The following PTPN4 variants were observed in gnomAD, a reference collection of about 807,000 sequenced individuals.
PTPN4 encodes the protein tyrosine-protein phosphatase non-receptor type 4.
Under a neutral mutation model 135.5 loss-of-function variants are expected in PTPN4, and 49 were observed. That is an observed-to-expected ratio of 0.36 (90% CI 0.29 to 0.46). PTPN4 has a LOEUF of 0.46. Among genes scored for constraint, PTPN4 ranks in the 20% least tolerant of loss-of-function variants. The pLI is 1.00. For synonymous variants in PTPN4, 333 were observed against 369.9 expected (o/e 0.90, Z 1.14); for missense variants, 860 against 1,101.0 (o/e 0.78, Z 3.10).
chr2:119,964,135 T>C (rs962640725), intron 24 of PTPN4, among the ~76,000 whole-genome samples: 1 of 152,240 alleles, frequency 6.6e-6, no homozygotes, highest in Admixed American at 6.5e-5. Flanking sequence ...ACCATAGTTA[T>C]AATTATAGTG....
intron 1 of PTPN4, among the ~76,000 whole-genome samples, chr2:119,798,177 T>C (rs1691297834): frequency 6.6e-6 from 1 of 152,002 alleles, no homozygotes; most frequent in Non-Finnish European, 1.5e-5. Flanking sequence ...TCTTTTTTTT[T>C]TTTTTTGAGA....
chr2:119,947,818 C>A (rs577520032), intron 18 of PTPN4, among the ~76,000 whole-genome samples: 10 of 151,192 alleles, frequency 6.6e-5, no homozygotes, highest in African/African-American at 2.4e-4. Context: ...TAAGTCTCCA[C>A]TAAATAGAAA....
chr2:119,812,388 A>G (rs545591027), intron 2 of PTPN4, among the ~76,000 whole-genome samples: 2 of 152,276 alleles, frequency 1.3e-5, no homozygotes, highest in Non-Finnish European at 2.9e-5. Flanking sequence ...CAGGCATTGG[A>G]GTCATTGCTT....
intron 5 of PTPN4, among the ~76,000 whole-genome samples, chr2:119,879,649 C>A (rs1678041754): frequency 6.6e-6 from 1 of 152,172 alleles, no homozygotes; most frequent in African/African-American, 2.4e-5. Flanking sequence ...TAATATATAG[C>A]CAAGGCTACA....
chr2:119,760,717 A>G (rs1690471148), intron 1 of PTPN4, among the ~76,000 whole-genome samples: 1 of 123,172 alleles, frequency 8.1e-6, no homozygotes, highest in South Asian at 2.8e-4. Context: ...TGAGTTTTCC[A>G]TTGCTGGTAG....
intron 10 of PTPN4, among the ~76,000 whole-genome samples, chr2:119,910,165 G>A (rs1678549719): frequency 6.6e-6 from 1 of 151,880 alleles, no homozygotes; most frequent in African/African-American, 2.4e-5. Context: ...GCCACATTGT[G>A]GCAAGACCCT....
rs55911315 is a variant in PTPN4 at position 119,914,248 on chromosome 2, A to ATTTT, written c.765-906_765-903dup. 6.7e-4 allele frequency among the ~76,000 whole-genome samples: 65 copies of ATTTT among 97,408 alleles called. 4 individuals carry two copies. Among genetic ancestry groups the ATTTT allele is most frequent in the African/African-American group, 3.2e-3 (54 of 17,056 alleles). The allele number at this position is 97,408 out of a possible 152,430, so 63.9% of individuals were successfully genotyped here. ...CATAAATACAGTCAATAGTTACTCA[A>ATTTT]TTTTTTTTTTTTTTTTTTTTTTTTT... is the stretch of plus-strand genomic sequence containing the variant. On this transcript the variant is annotated intron_variant, in intron 10 of 26. Coordinates refer to ENST00000263708, the MANE Select transcript of PTPN4 (RefSeq NM_002830.4).
At chr2:119,926,518 A>G (rs1243182830) in intron 12 of PTPN4, 80 bp from the exon 13 acceptor site, 2 of 937,876 alleles carry the variant, frequency 2.1e-6, no homozygotes, top group East Asian at 5.3e-5. Flanking sequence ...AGGAAGTTAC[A>G]CTATAATCAT....
intron 9 of PTPN4, among the ~76,000 whole-genome samples, chr2:119,897,191 C>T (rs955564117): frequency 6.6e-6 from 1 of 152,126 alleles, no homozygotes; most frequent in African/African-American, 2.4e-5. Context: ...CCTCAGCTTC[C>T]CAAAGTGCTG....
At chr2:119,962,159 A>G (rs1679375069) in intron 23 of PTPN4, among the ~76,000 whole-genome samples, 1 of 152,172 alleles carries the variant, frequency 6.6e-6, no homozygotes, top group South Asian at 2.1e-4. Flanking sequence ...AAAAAGTGAC[A>G]AAGAAAAAAT....
intron 15 of PTPN4, among the ~76,000 whole-genome samples, chr2:119,937,742 T>C (rs1016825193): frequency 6.6e-6 from 1 of 152,198 alleles, no homozygotes; most frequent in Non-Finnish European, 1.5e-5. Context: ...TATAACATTT[T>C]CATTATTTAC....
In PTPN4 at chr2:119,982,528, ATTCT is replaced by A. The variant is rs1679710903; in HGVS notation, c.*5461_*5464del. On this transcript the variant is annotated 3_prime_UTR_variant, in exon 27 of 27. Transcript: ENST00000263708. ...TGAAGCATTTTCAGATATAATGTAC[ATTCT>A]TTTTCATTTTGCTTTGCCTCTAGAA... 6.6e-6 allele frequency: 1 copy of A among 152,236 alleles called. No individual in the cohort carries two copies. The highest frequency in any genetic ancestry group is 2.4e-5 in the African/African-American group (1 of 41,468). 9.4% of individuals were successfully genotyped at this position (152,236 alleles called of 1,614,324 possible).
chr2:119,946,389 C>A lies in PTPN4; in HGVS notation c.1564C>A (p.Pro522Thr). ...HDNLVLIRMK[P>T]DENGRFGFNV... ...TAATCTTGTCCTAATCAGAATGAAA[C>A]CTGATGAAAATGGGAGGTTTGGATT... is the stretch of plus-strand genomic sequence containing the variant. The change falls in exon 17 of 27, where the codon CCT becomes ACT. Residue 522 changes from proline to threonine, a missense_variant. This residue lies in a region of PTPN4 where 684 missense variants were observed against 807.0 expected (regional missense o/e 0.85). Coordinates refer to ENST00000263708, the MANE Select transcript of PTPN4 (RefSeq NM_002830.4). The A allele has an allele frequency of 6.2e-7, 1 of 1,611,212 alleles. No homozygotes were observed. Among genetic ancestry groups the A allele is most frequent in the Admixed American group, 1.7e-5 (1 of 59,806 alleles).
At chr2:119,790,418 T>G (rs1691122738) in intron 1 of PTPN4, among the ~76,000 whole-genome samples, 2 of 152,136 alleles carry the variant, frequency 1.3e-5, no homozygotes, top group South Asian at 4.1e-4. Context: ...TGTCTGCCCT[T>G]TTGTTCTTAT....
At chr2:119,848,065 C>T (rs145964448) in intron 2 of PTPN4, among the ~76,000 whole-genome samples, 11 of 150,470 alleles carry the variant, frequency 7.3e-5, no homozygotes, top group African/African-American at 2.7e-4. Flanking sequence ...GATCGTTTTG[C>T]ATTTATTGTA....
intron 3 of PTPN4, among the ~76,000 whole-genome samples, chr2:119,868,080 AG>A (rs1677858663): frequency 6.6e-6 from 1 of 152,180 alleles, no homozygotes; most frequent in African/African-American, 2.4e-5. Context: ...AATGTAACTG[AG>A]GCATAAATTA....
chr2:119,782,384 A>C (rs1184521576), intron 1 of PTPN4, among the ~76,000 whole-genome samples: 1 of 152,078 alleles, frequency 6.6e-6, no homozygotes, highest in Non-Finnish European at 1.5e-5. Flanking sequence ...ATGCCACTGC[A>C]CTCTAGCCTG....
At chr2:119,905,120 G>A (rs1415833606) in intron 10 of PTPN4, among the ~76,000 whole-genome samples, 1 of 151,378 alleles carries the variant, frequency 6.6e-6, no homozygotes, top group Non-Finnish European at 1.5e-5. Context: ...AAAACAATTA[G>A]CAAAATAACA....
At chr2:119,831,524 A>G (rs1677220005) in intron 2 of PTPN4, among the ~76,000 whole-genome samples, 1 of 152,178 alleles carries the variant, frequency 6.6e-6, no homozygotes, top group South Asian at 2.1e-4. Context: ...GTTCTCCAAC[A>G]TTCTTTTTAA....
Sources: allele counts gnomAD v4.1 joint callset (sites outside exome capture counted in the v4.1 genomes callset), GRCh38; gene constraint gnomAD v4.1.1; regional missense constraint gnomAD v4.1.1; transcripts MANE v1.5; gene names NCBI Gene and HGNC (gene_info 2026-07-23, HGNC 2026-07-21).